The following DNAJB1 variants were observed in gnomAD, a reference collection of about 807,000 sequenced individuals.
The protein encoded by DNAJB1 is dnaJ homolog subfamily B member 1.
A neutral mutation model predicts 24.0 loss-of-function variants in DNAJB1; 14 were observed. The ratio of observed to expected loss-of-function variants is 0.58; its 90% confidence interval spans 0.39 to 0.91. The LOEUF is 0.91. DNAJB1 is among the 40% of genes least tolerant of loss of function. The pLI, the probability that DNAJB1 is intolerant of heterozygous loss-of-function variation, is 0.00. For synonymous variants in DNAJB1, 262 were observed against 174.4 expected (o/e 1.50, Z -3.96); for missense variants, 517 against 458.1 (o/e 1.13, Z -1.17).
upstream of DNAJB1, among the ~76,000 whole-genome samples, chr19:14,521,595 G>A (rs931915150): frequency 6.6e-6 from 1 of 152,106 alleles, no homozygotes; most frequent in Non-Finnish European, 1.5e-5. Context: ...TCCCCTCCTT[G>A]AGTAAGCCTG....
At chr19:14,531,858 C>G (rs138506936), upstream of DNAJB1, 1 of 152,210 alleles carries the variant, frequency 6.6e-6, no homozygotes, top group African/African-American at 2.4e-5. Flanking sequence ...CTCTCAAACT[C>G]TATATCTAAA....
Position 14,544,312 on chromosome 19 carries a change from G to C in DNAJB1, c.-214+5896C>G, listed in dbSNP as rs118107174. On this transcript the variant is annotated intron_variant, in intron 1 of 3. Coordinates refer to the DNAJB1 transcript ENST00000676982. ...TTGTGTAAGCCCCTGGCTCTCCCCT[G>C]TAACCCCTGGCCCTGGGGAGGGTCT... Among the ~76,000 whole-genome samples the C allele has an allele frequency of 2.0e-5, 3 of 152,190 alleles. No individual in the cohort carries two copies. In the East Asian group the frequency reaches 5.8e-4, roughly 29 times the overall value.
intron 1 of DNAJB1, among the ~76,000 whole-genome samples, chr19:14,537,087 TGAG>T (rs1288915314): frequency 1.5e-5 from 2 of 129,088 alleles, no homozygotes; most frequent in Non-Finnish European, 3.2e-5. Flanking sequence ...AGGCATGTCC[TGAG>T]GAGGAGGAGG....
At chr19:14,519,604 T>G (rs1212900339), upstream of DNAJB1, among the ~76,000 whole-genome samples, 1 of 152,192 alleles carries the variant, frequency 6.6e-6, no homozygotes, top group Non-Finnish European at 1.5e-5. Context: ...ATCTTGTCTC[T>G]TGGCTTTCAA....
At chr19:14,541,767 C>T (rs2073103424) in intron 1 of DNAJB1, among the ~76,000 whole-genome samples, 2 of 151,732 alleles carry the variant, frequency 1.3e-5, no homozygotes, top group Non-Finnish European at 2.9e-5. Flanking sequence ...CCAGAGAGAC[C>T]TGTGGACTTC....
At chr19:14,516,428 A>C (rs762293857) in intron 2 of DNAJB1, 38 bp downstream of exon 2, 1 of 1,586,572 alleles carries the variant, frequency 6.3e-7, no homozygotes, top group Non-Finnish European at 8.6e-7. Flanking sequence ...AAAAGCAGCC[A>C]TCGCCCTCTA....
At chr19:14,542,348 T>TTTTTTTTTTG in intron 1 of DNAJB1, among the ~76,000 whole-genome samples, 1 of 28,452 alleles carries the variant, frequency 3.5e-5, no homozygotes, top group African/African-American at 2.1e-4. Context: ...TGCCATAGTG[T>TTTTTTTTTTG]TTTTTTTTTT....
chr19:14,543,419 ATTTTTTTTTTTTTTTT>A (rs1169742953), intron 1 of DNAJB1, among the ~76,000 whole-genome samples: 51 of 21,820 alleles, frequency 2.3e-3, no homozygotes, highest in South Asian at 0.017. Context: ...ATATATATAT[ATTTTTTTTTTTTTTTT>A]TTTTTTTTTT....
chr19:14,516,912 A>G lies in DNAJB1; in HGVS notation c.346T>C (p.Phe116Leu). The change falls in exon 2 of 3, where the codon TTT (phenylalanine) becomes CTT (leucine). Residue 116 changes from phenylalanine to leucine, a missense_variant. Transcript: ENST00000254322. ...FGGRNPFDTFFGQRNGEEGMD... is the reference protein window; with the variant it reads ...FGGRNPFDTFLGQRNGEEGMD... ...CCTTCCTCCCCGTTCCGCTGCCCAA[A>G]AAAGGTGTCAAAGGGATTTCTGCCA... is the stretch of plus-strand genomic sequence containing the variant. The G allele has an allele frequency of 6.2e-7, 1 of 1,614,118 alleles. No homozygotes were observed. Among genetic ancestry groups the G allele is most frequent in the Non-Finnish European group, 8.5e-7 (1 of 1,180,034 alleles).
upstream of DNAJB1, among the ~76,000 whole-genome samples, chr19:14,534,366 C>T (rs375866630): frequency 9.9e-4 from 147 of 148,612 alleles, 4 homozygotes; most frequent in South Asian, 0.029. Flanking sequence ...CCTTATGATC[C>T]GCCCGCCTCG....
chr19:14,538,206 C>G (rs548911401), intron 1 of DNAJB1, among the ~76,000 whole-genome samples: 20 of 152,304 alleles, frequency 1.3e-4, no homozygotes, highest in Non-Finnish European at 2.8e-4. Flanking sequence ...CTTCTAGAAC[C>G]AGAGTGGGCT....
At chr19:14,551,198 G>A (rs1185909463), upstream of DNAJB1, among the ~76,000 whole-genome samples, 2 of 151,700 alleles carry the variant, frequency 1.3e-5, no homozygotes, top group African/African-American at 4.8e-5. Context: ...TCAGGCTCCT[G>A]AGTAGCTGGG....
intron 2 of DNAJB1, 109 bp downstream of exon 2, chr19:14,516,357 C>T (rs2072261676): frequency 7.4e-7 from 1 of 1,342,646 alleles, no homozygotes; most frequent in Non-Finnish European, 1.0e-6. Context: ...CTGTTGTGCC[C>T]CAAGCCTGGC....
intron 1 of DNAJB1, among the ~76,000 whole-genome samples, chr19:14,555,847 A>G (rs1166740361): frequency 1.3e-5 from 2 of 152,012 alleles, no homozygotes; most frequent in African/African-American, 4.8e-5. Context: ...CAGCCTCCTA[A>G]AGTGCTGGGA....
intron 1 of DNAJB1, among the ~76,000 whole-genome samples, chr19:14,535,131 G>A (rs2072815155): frequency 6.6e-6 from 1 of 152,064 alleles, no homozygotes. Flanking sequence ...CCAGCACGTT[G>A]GGAGGCTGAG....
chr19:14,533,908 T>C (rs1443509373), upstream of DNAJB1: 1 of 152,102 alleles, frequency 6.6e-6, no homozygotes, highest in Non-Finnish European at 1.5e-5. Flanking sequence ...ATTTTTTTAT[T>C]TTATTGCTGT....
rs79567209 is a variant in DNAJB1 at position 14,526,244 on chromosome 19, A to G, written c.-90+1482T>C. On this transcript the variant is annotated intron_variant, in intron 2 of 3. Transcript: ENST00000396969. ...ACCATCAGCTCAACAACGACCCAAC[A>G]GATCTACCAGTCACCATTGTGAATC... Among the ~76,000 whole-genome samples the G allele has an allele frequency of 8.5e-3, 1,291 of 152,324 alleles. 19 individuals carry two copies. The highest frequency in any genetic ancestry group is 0.03 in the African/African-American group (1,247 of 41,566).
chr19:14,547,546 G>A (rs751618524), intron 1 of DNAJB1, among the ~76,000 whole-genome samples: 10 of 152,054 alleles, frequency 6.6e-5, no homozygotes, highest in Non-Finnish European at 1.0e-4. Context: ...ATTTTCAGTC[G>A]AGATGAGTTT....
upstream of DNAJB1, chr19:14,518,428 C>CT: frequency 5.7e-6 from 7 of 1,219,550 alleles, no homozygotes; most frequent in East Asian, 3.0e-5. Flanking sequence ...TCTATATACC[C>CT]GTCCGGCGGA....
Sources: gnomAD v4.1 joint callset for allele counts (sites outside exome capture counted in the v4.1 genomes callset) on GRCh38, gnomAD v4.1.1 for gene constraint, MANE v1.5 for transcripts, NCBI Gene and HGNC (gene_info 2026-07-23, HGNC 2026-07-21) for gene names.